The following EYA1 variants were observed in gnomAD, a reference collection of about 807,000 sequenced individuals.
EYA1 encodes the protein protein phosphatase EYA1.
Under a neutral mutation model 82.0 loss-of-function variants are expected in EYA1, and 16 were observed. That is an observed-to-expected ratio of 0.20 (90% CI 0.13 to 0.30). The LOEUF (loss-of-function observed/expected upper bound fraction) is 0.30, where lower values mean the gene tolerates loss of function less well. Among genes scored for constraint, EYA1 ranks in the 10% least tolerant of loss-of-function variants. EYA1 has a pLI of 1.00. For synonymous variants in EYA1, 261 were observed against 264.4 expected, an observed-to-expected ratio of 0.99 and a Z score of 0.12; for missense variants, 633 against 730.7, an observed-to-expected ratio of 0.87 and a Z score of 1.54.
intron 7 of EYA1, among the ~76,000 whole-genome samples, chr8:71,310,188 G>A (rs959321255): frequency 6.6e-6 from 1 of 152,114 alleles, no homozygotes; most frequent in Non-Finnish European, 1.5e-5. Context: ...CTCTATCTAC[G>A]AGTATTAACA....
At chr8:71,346,553 G>A (rs1174580599) in intron 3 of EYA1, among the ~76,000 whole-genome samples, 1 of 150,560 alleles carries the variant, frequency 6.6e-6, no homozygotes, top group African/African-American at 2.4e-5. Flanking sequence ...AACCCTAAGT[G>A]TACTAACTTC....
At chr8:71,367,169 T>A (rs948825789) in intron 2 of EYA1, among the ~76,000 whole-genome samples, 2 of 152,098 alleles carry the variant, frequency 1.3e-5, no homozygotes, top group African/African-American at 4.8e-5. Flanking sequence ...CCCAACTTAT[T>A]ATTTATATTA....
intron 2 of EYA1, chr8:71,448,723 T>C (rs1208165065): frequency 6.5e-6 from 1 of 153,890 alleles, no homozygotes; most frequent in Non-Finnish European, 1.5e-5. Flanking sequence ...TCCAGGCTAT[T>C]TAATCAAGTT....
intron 3 of EYA1, among the ~76,000 whole-genome samples, chr8:71,345,283 T>C (rs569243421): frequency 1.3e-5 from 2 of 152,320 alleles, no homozygotes; most frequent in South Asian, 4.1e-4. Context: ...TAATAGCCAG[T>C]GGACATTGAG....
intron 3 of EYA1, among the ~76,000 whole-genome samples, chr8:71,352,037 A>T (rs1826356831): frequency 6.6e-6 from 1 of 152,198 alleles, no homozygotes; most frequent in Admixed American, 6.5e-5. Flanking sequence ...TGGCATATGT[A>T]GCTGAAAATG....
intron 2 of EYA1, among the ~76,000 whole-genome samples, chr8:71,403,256 TCAGA>T (rs1246588208): frequency 1.3e-5 from 2 of 152,190 alleles, no homozygotes; most frequent in South Asian, 2.1e-4. Flanking sequence ...AAGAATATGA[TCAGA>T]CAATTGGCAG....
Position 71,361,990 on chromosome 8 carries a change from G to A in EYA1, c.-398C>T. Reference sequence around the variant, plus strand: ...CCTCGCCCCAAACTCGGAGCCATCAGCTCCCACCGTTCTGTTTGGTAACAG... The same window carrying A: ...CCTCGCCCCAAACTCGGAGCCATCAACTCCCACCGTTCTGTTTGGTAACAG... On this transcript the variant is annotated 5_prime_UTR_variant, in exon 1 of 18. Transcript: ENST00000340726. 1 of 985,402 alleles carries A rather than the reference G, an allele frequency of 1.0e-6. No individual in the cohort carries two copies. Among genetic ancestry groups the A allele is most frequent in the Non-Finnish European group, 1.2e-6 (1 of 829,938 alleles). 61.0% of individuals were successfully genotyped at this position (985,402 alleles called of 1,614,324 possible).
At chr8:71,538,364 A>G (rs183985807) in intron 1 of EYA1, among the ~76,000 whole-genome samples, 1 of 151,024 alleles carries the variant, frequency 6.6e-6, no homozygotes, top group Non-Finnish European at 1.5e-5. Flanking sequence ...AAATATTTTG[A>G]ATGAATGAAT....
intron 2 of EYA1, among the ~76,000 whole-genome samples, chr8:71,454,412 C>T (rs1807696575): frequency 6.6e-6 from 1 of 152,176 alleles, no homozygotes; most frequent in African/African-American, 2.4e-5. Context: ...AGTTCTGCAC[C>T]AAGCGGACTT....
At chr8:71,229,022 C>T (rs1334325905) in intron 12 of EYA1, among the ~76,000 whole-genome samples, 2 of 152,122 alleles carry the variant, frequency 1.3e-5, no homozygotes, top group Non-Finnish European at 2.9e-5. Flanking sequence ...TGTTTTAGTC[C>T]ATCTCCCTCA....
chr8:71,510,855 T>G lies in EYA1; in HGVS notation c.33+24889A>C, dbSNP rs529687573. 2.0e-5 allele frequency among the ~76,000 whole-genome samples: 3 copies of G among 152,368 alleles called. No homozygotes were observed. In the South Asian group the frequency reaches 6.2e-4, roughly 32 times the overall value. On this transcript the variant is annotated intron_variant, in intron 2 of 18. Coordinates refer to the EYA1 transcript ENST00000643681. ...AAGGGCTTACAAGGCTGAAGACTCA[T>G]GTGAGTGAACACATCTTCCAATCCA...
intron 2 of EYA1, among the ~76,000 whole-genome samples, chr8:71,369,443 C>T (rs773338331): frequency 3.3e-5 from 5 of 152,196 alleles, no homozygotes; most frequent in Non-Finnish European, 5.9e-5. Context: ...CGGGCTTTCT[C>T]TATGTCTTCT....
chr8:71,205,005 T>C (rs937878520), intron 17 of EYA1, among the ~76,000 whole-genome samples: 1 of 152,182 alleles, frequency 6.6e-6, no homozygotes, highest in African/African-American at 2.4e-5. Flanking sequence ...GATGTCCCAC[T>C]TAAACTAAAA....
chr8:71,490,990 G>A (rs1014563184), intron 2 of EYA1, among the ~76,000 whole-genome samples: 6 of 151,952 alleles, frequency 3.9e-5, no homozygotes, highest in Non-Finnish European at 7.4e-5. Context: ...CTCTATTGAC[G>A]CTCAAGTAAC....
rs1016777628 is a variant in EYA1 at position 71,197,753 on chromosome 8, G to A, written c.*1587C>T. 1.3e-5 allele frequency: 2 copies of A among 152,552 alleles called. No homozygotes were observed. Among genetic ancestry groups the A allele is most frequent in the Admixed American group, 6.6e-5 (1 of 15,266 alleles). 9.4% of individuals were successfully genotyped at this position (152,552 alleles called of 1,614,324 possible). ...TCAACTACTTCGGGTCAAAGCTGGTGTTTTTCCCGCCCAATATATGATTGA... is the reference window on the plus strand; with the variant it reads ...TCAACTACTTCGGGTCAAAGCTGGTATTTTTCCCGCCCAATATATGATTGA... On this transcript the variant is annotated 3_prime_UTR_variant, in exon 18 of 18. Coordinates refer to ENST00000340726, the MANE Select transcript of EYA1 (RefSeq NM_000503.6).
At chr8:71,326,048 T>C (rs984418073) in intron 4 of EYA1, among the ~76,000 whole-genome samples, 4 of 152,196 alleles carry the variant, frequency 2.6e-5, no homozygotes, top group Admixed American at 6.5e-5. Context: ...AAATTACATA[T>C]GCCACAGAGC....
At chr8:71,319,480 T>C (rs1278523733) in intron 6 of EYA1, among the ~76,000 whole-genome samples, 1 of 152,046 alleles carries the variant, frequency 6.6e-6, no homozygotes, top group Non-Finnish European at 1.5e-5. Context: ...CAGATGGGGA[T>C]CTTTGTGATA....
At chr8:71,357,980 T>C (rs548834048) in intron 1 of EYA1, among the ~76,000 whole-genome samples, 3 of 152,152 alleles carry the variant, frequency 2.0e-5, no homozygotes, top group South Asian at 4.1e-4. Context: ...TTTCTTTTTT[T>C]TTTTTCTCCA....
At chr8:71,348,526 C>G (rs1337878841) in intron 3 of EYA1, among the ~76,000 whole-genome samples, 1 of 152,240 alleles carries the variant, frequency 6.6e-6, no homozygotes, top group South Asian at 2.1e-4. Context: ...CTGTCTACAT[C>G]TAGACCTTAG....
Sources: allele counts gnomAD v4.1 joint callset (sites outside exome capture counted in the v4.1 genomes callset), GRCh38; gene constraint gnomAD v4.1.1; transcripts MANE v1.5; gene names NCBI Gene and HGNC (gene_info 2026-07-23, HGNC 2026-07-21).